Variants in LAMA3 observed in about 807,000 individuals in gnomAD.
LAMA3 encodes laminin subunit alpha 3, also known as laminin subunit alpha-3.
A neutral mutation model predicts 402.0 loss-of-function variants in LAMA3; 281 were observed. The ratio of observed to expected loss-of-function variants is 0.70; its 90% confidence interval spans 0.63 to 0.77. The LOEUF is 0.77. Among genes scored for constraint, LAMA3 ranks in the 30% least tolerant of loss-of-function variants. The pLI is 0.00. For synonymous variants in LAMA3, 1,431 were observed against 1,558.4 expected (o/e 0.92, Z 1.93); for missense variants, 3,840 against 4,215.5 (o/e 0.91, Z 2.47).
In LAMA3 at chr18:23,755,516, G is replaced by A. The variant is rs978446563; in HGVS notation, c.947+1704G>A. Reference sequence around the variant, plus strand: ...GGTAGAAATCTTATAACAATTTAAAGGGATTCAGAAACTTAATGGGTAGAG... The same window carrying A: ...GGTAGAAATCTTATAACAATTTAAAAGGATTCAGAAACTTAATGGGTAGAG... On this transcript the variant is annotated intron_variant, in intron 6 of 74. Transcript: ENST00000313654. Among the ~76,000 whole-genome samples the A allele has an allele frequency of 2.6e-5, 4 of 152,324 alleles. No individual in the cohort carries two copies. In the East Asian group the frequency reaches 7.7e-4, roughly 29 times the overall value.
At chr18:23,883,638 A>G (rs1269403766) in intron 40 of LAMA3, among the ~76,000 whole-genome samples, 1 of 152,182 alleles carries the variant, frequency 6.6e-6, no homozygotes, top group Non-Finnish European at 1.5e-5. Context: ...TATGTCTTTG[A>G]TGCTCGTGAA....
chr18:23,777,228 T>C (rs2062340904), intron 10 of LAMA3, among the ~76,000 whole-genome samples: 1 of 150,010 alleles, frequency 6.7e-6, no homozygotes, highest in Non-Finnish European at 1.5e-5. Context: ...AAGAAAATAT[T>C]TCTTTAAAGC....
rs745874853 is a variant in LAMA3, at chr18:23,902,988, AT to A, written c.6202-12del. On this transcript the variant is annotated intron_variant, in intron 48 of 74. Transcript: ENST00000313654. ...GATAATATATCATAGAGCTCAAGCA[AT>A]TTTTTTTTATTTTCTCCAGAGACAA... 338 of 1,419,906 alleles carry A rather than the reference AT, an allele frequency of 2.4e-4. No individual in the cohort carries two copies. Among genetic ancestry groups the A allele is most frequent in the Non-Finnish European group, 2.9e-4 (295 of 1,004,864 alleles). The allele number at this position is 1,419,906 out of a possible 1,614,324, so 88.0% of individuals were successfully genotyped here.
At chr18:23,874,024 A>G (rs369307472) in intron 38 of LAMA3, among the ~76,000 whole-genome samples, 6 of 152,188 alleles carry the variant, frequency 3.9e-5, no homozygotes, top group African/African-American at 1.4e-4. Flanking sequence ...TTAGTAACTG[A>G]CAAATCCTCA....
intron 12 of LAMA3, 104 bp from the exon 13 acceptor site, chr18:23,810,262 T>C: frequency 7.4e-7 from 1 of 1,346,460 alleles, no homozygotes; most frequent in Non-Finnish European, 1.1e-6. Flanking sequence ...GAATTTGTGT[T>C]TGGGTCTTTC....
intron 32 of LAMA3, among the ~76,000 whole-genome samples, chr18:23,852,954 C>T (rs1211938182): frequency 1.3e-5 from 2 of 152,154 alleles, no homozygotes; most frequent in African/African-American, 2.4e-5. Context: ...AGTACAGACT[C>T]AAAGAATGCA....
chr18:23,826,747 C>T lies in LAMA3; in HGVS notation c.2617C>T (p.Leu873=), dbSNP rs145722544. Residue 873 remains leucine (L), a synonymous_variant, in exon 22 of 75, where the codon CTG becomes TTG. Coordinates refer to ENST00000313654, the MANE Select transcript of LAMA3 (RefSeq NM_198129.4). The part of the protein sequence containing the change: ...LPRDYYEASV[L]QLPVTEPCAY... ...CAGGGACTACTATGAAGCCTCTGTACTGCAGCTGCCAGTCACAGAACCATG... is the reference window on the plus strand; with the variant it reads ...CAGGGACTACTATGAAGCCTCTGTATTGCAGCTGCCAGTCACAGAACCATG... 11 of 1,566,382 alleles carry T rather than the reference C, an allele frequency of 7.0e-6. No individual in the cohort carries two copies. In the African/African-American group the frequency reaches 1.5e-4, roughly 21 times the overall value.
rs1465186432 is a variant in LAMA3, at chr18:23,786,357, G to A, written c.1603+2200G>A. Among the ~76,000 whole-genome samples, 16 of 152,208 alleles carry A rather than the reference G, an allele frequency of 1.1e-4. 1 individual carries two copies. Among genetic ancestry groups the A allele is most frequent in the Admixed American group, 1.0e-3 (16 of 15,288 alleles). On this transcript the variant is annotated intron_variant, in intron 12 of 74. Coordinates refer to ENST00000313654, the MANE Select transcript of LAMA3 (RefSeq NM_198129.4). ...CACTGATATTTCTCAACCTTCTGCA[G>A]TCCTGTATAGCAGAAGCCCTATTCC...
rs1050584138 is a variant in LAMA3, at chr18:23,876,294, G to A, written c.4999G>A (p.Gly1667Ser). 6.2e-7 allele frequency: 1 copy of A among 1,604,808 alleles called. No homozygotes were observed. Residue 1667 changes from glycine to serine, a missense_variant and splice_region_variant, in exon 39 of 75, where the codon GGT (glycine) becomes AGT (serine). By Grantham distance (56) the Gly-to-Ser change is moderately conservative (BLOSUM62 0). Transcript: ENST00000313654. ...PPAYAGDSCQ[G>S]CSPGYYRDHK... ...ATTAAACACTTTGTTTGAAAAATAGGGTTGTAGCCCTGGATACTATCGGGA... is the reference window on the plus strand; with the variant it reads ...ATTAAACACTTTGTTTGAAAAATAGAGTTGTAGCCCTGGATACTATCGGGA...
At chr18:23,816,348 A>C (rs758874405) in intron 17 of LAMA3, 40 bp from the exon 18 acceptor site, 1 of 1,526,020 alleles carries the variant, frequency 6.6e-7, no homozygotes, top group Non-Finnish European at 9.1e-7. Flanking sequence ...CAGTGTGGAG[A>C]TGGTTTAAGG....
In LAMA3 at chr18:23,901,222, A is replaced by C; in HGVS notation, c.6100A>C (p.Lys2034Gln). The C allele has an allele frequency of 4.3e-6, 7 of 1,614,196 alleles. No individual in the cohort carries two copies. Among genetic ancestry groups the C allele is most frequent in the Non-Finnish European group, 5.9e-6 (7 of 1,180,008 alleles). Residue 2034 changes from lysine (K) to glutamine (Q), a missense_variant, in exon 48 of 75, where the codon AAA (lysine) becomes CAA (glutamine). By Grantham distance (53) the Lys-to-Gln change is moderately conservative. Transcript: ENST00000313654. ...GGATTCTTTAAATGAATACGAAGCC[A>C]AACTCAGTGACCTTCGTGCTCGGCT... ...IRDSLNEYEAKLSDLRARLQE... is the reference protein window; with the variant it reads ...IRDSLNEYEAQLSDLRARLQE...
intron 44 of LAMA3, among the ~76,000 whole-genome samples, chr18:23,897,384 G>A (rs2080909995): frequency 6.6e-6 from 1 of 152,158 alleles, no homozygotes; most frequent in Non-Finnish European, 1.5e-5. Context: ...ATGGAGAAGA[G>A]GAGGGAAAAG....
At chr18:23,763,322 A>G (rs1306716059) in intron 7 of LAMA3, 83 bp from the exon 8 acceptor site, 22 of 939,352 alleles carry the variant, frequency 2.3e-5, no homozygotes, top group Non-Finnish European at 3.7e-5. Context: ...TTATAGCTCA[A>G]TTAGCAGTAA....
Position 23,711,254 on chromosome 18 carries a change from T to C in LAMA3, c.295-2666T>C, listed in dbSNP as rs533272382. The stretch of plus-strand genomic sequence containing the variant: ...GACACCTGTGATGCTGTCTTGCCTA[T>C]ACACTTATTTTTTAAATATGTGCTT... On this transcript the variant is annotated intron_variant, in intron 1 of 74. Transcript: ENST00000313654. Among the ~76,000 whole-genome samples the C allele has an allele frequency of 2.6e-5, 4 of 152,370 alleles. No individual in the cohort carries two copies. The East Asian group carries it at 7.7e-4, about 29-fold the overall frequency.
intron 69 of LAMA3, among the ~76,000 whole-genome samples, chr18:23,945,302 G>A (rs572241494): frequency 2.0e-5 from 3 of 152,222 alleles, no homozygotes; most frequent in Non-Finnish European, 4.4e-5. Context: ...TGACCGCCAG[G>A]ACGCATGCTG....
At chr18:23,878,745 C>T (rs1185874275) in intron 39 of LAMA3, among the ~76,000 whole-genome samples, 1 of 152,226 alleles carries the variant, frequency 6.6e-6, no homozygotes, top group Non-Finnish European at 1.5e-5. Context: ...ACATCAGGAC[C>T]TTCACCCAGG....
chr18:23,797,459 A>G (rs1001792356), intron 12 of LAMA3, among the ~76,000 whole-genome samples: 30 of 152,186 alleles, frequency 2.0e-4, no homozygotes, highest in Admixed American at 1.8e-3. Flanking sequence ...CATGCCTGTG[A>G]TCCCAGCACT....
At chr18:23,779,778 G>A (rs1013342925) in intron 11 of LAMA3, among the ~76,000 whole-genome samples, 6 of 152,172 alleles carry the variant, frequency 3.9e-5, no homozygotes, top group Non-Finnish European at 2.9e-5. Flanking sequence ...GCTTGGGAAA[G>A]TCATGGGATT....
rs200330511 is a variant in LAMA3, at chr18:23,822,321, G to A, written c.2374G>A (p.Val792Ile). 325 of 1,613,670 alleles carry A rather than the reference G, an allele frequency of 2.0e-4. 6 individuals carry two copies. The East Asian group carries it at 3.4e-3, about 17-fold the overall frequency. ...CTTGTTTCGTGTTATTCTGAGATAC[G>A]TTAACCCTGGAACTGAAGCAGTATC... is the stretch of plus-strand genomic sequence containing the variant. ...GSLFRVILRYVNPGTEAVSGH... is the reference protein window; with the variant it reads ...GSLFRVILRYINPGTEAVSGH... Residue 792 changes from valine to isoleucine, a missense_variant, in exon 20 of 75, where the codon GTT (valine) becomes ATT (isoleucine). Val to Ile is a conservative substitution (Grantham distance 29). Transcript: ENST00000313654.
Sources: gnomAD v4.1 joint callset for allele counts (sites outside exome capture counted in the v4.1 genomes callset) on GRCh38, gnomAD v4.1.1 for gene constraint, MANE v1.5 for transcripts, NCBI Gene and HGNC (gene_info 2026-07-23, HGNC 2026-07-21) for gene names.